RAP1GAP2: variants seen among roughly 807,000 people sequenced by gnomAD.
The protein encoded by RAP1GAP2 is RAP1 GTPase activating protein 2.
In RAP1GAP2, 27 loss-of-function variants were observed where a neutral mutation model predicts 95.0. That is an observed-to-expected ratio of 0.28 (90% CI 0.21 to 0.39). The LOEUF (loss-of-function observed/expected upper bound fraction) is 0.39. Among genes scored for constraint, RAP1GAP2 ranks in the 10% least tolerant of loss-of-function variants. The pLI is 1.00. For synonymous variants in RAP1GAP2, 373 were observed against 380.9 expected (o/e 0.98, Z 0.24); for missense variants, 771 against 970.0 (o/e 0.79, Z 2.72).
intron 2 of RAP1GAP2, among the ~76,000 whole-genome samples, chr17:2,830,596 C>T (rs1277916043): frequency 6.6e-6 from 1 of 151,082 alleles, no homozygotes; most frequent in Admixed American, 6.6e-5. Flanking sequence ...CGCCTGTAGT[C>T]CCAGCTACTC....
intron 1 of RAP1GAP2, among the ~76,000 whole-genome samples, chr17:2,779,224 T>C (rs1196608439): frequency 6.6e-6 from 1 of 152,220 alleles, no homozygotes; most frequent in Non-Finnish European, 1.5e-5. Context: ...CTTGGCCAAA[T>C]TACCTGACTT....
chr17:3,009,424 T>G (rs188895947), intron 17 of RAP1GAP2, among the ~76,000 whole-genome samples: 2 of 152,332 alleles, frequency 1.3e-5, no homozygotes, highest in Admixed American at 1.3e-4. Context: ...TTAATAATGA[T>G]AGGCATAGTA....
chr17:2,862,869 C>T (rs535852985), intron 2 of RAP1GAP2, among the ~76,000 whole-genome samples: 76 of 151,764 alleles, frequency 5.0e-4, no homozygotes, highest in African/African-American at 1.7e-3. Context: ...TGGTGGCGTG[C>T]GCCTGTAATC....
At chr17:2,820,892 G>GTTTTTTTTTTTT (rs59814346) in intron 2 of RAP1GAP2, among the ~76,000 whole-genome samples, 1 of 104,102 alleles carries the variant, frequency 9.6e-6, no homozygotes, top group Non-Finnish European at 1.9e-5. Flanking sequence ...CCGGATAATG[G>GTTTTTTTTTTTT]TTTTTTTTTT....
chr17:2,939,512 C>T (rs2043412252), intron 3 of RAP1GAP2, among the ~76,000 whole-genome samples: 1 of 152,354 alleles, frequency 6.6e-6, no homozygotes, highest in Admixed American at 6.5e-5. Flanking sequence ...ACAGAGAGGG[C>T]TTCCCAGTTC....
chr17:2,909,548 T>A (rs1033855423), intron 3 of RAP1GAP2, among the ~76,000 whole-genome samples: 2 of 152,318 alleles, frequency 1.3e-5, no homozygotes, highest in Admixed American at 1.3e-4. Flanking sequence ...TAACATATTC[T>A]TTCAAAAAAT....
intron 2 of RAP1GAP2, among the ~76,000 whole-genome samples, chr17:2,864,802 G>A (rs988161033): frequency 7.9e-5 from 12 of 152,162 alleles, no homozygotes; most frequent in Admixed American, 7.9e-4. Context: ...TTGCCTTCAA[G>A]TATTCCTCCT....
At chr17:3,007,028 C>A (rs2046364877) in intron 16 of RAP1GAP2, among the ~76,000 whole-genome samples, 1 of 152,070 alleles carries the variant, frequency 6.6e-6, no homozygotes. Context: ...ATCAGATGAA[C>A]CTTCTGCCAG....
At chr17:2,769,284 G>A (rs1165694359) in intron 1 of RAP1GAP2, among the ~76,000 whole-genome samples, 46 of 130,732 alleles carry the variant, frequency 3.5e-4, no homozygotes, top group African/African-American at 1.3e-3. Context: ...GTCTGGGTGC[G>A]GTGGCTCACG....
rs1456875595 is a variant in RAP1GAP2, at chr17:2,832,212, A to AC, written c.80+31662_80+31663insC. ...GAGTGAGACTCTGTCTCCAAAAAAA[A>AC]AAAGAAAACAAAAAAACCCAAATCA... On this transcript the variant is annotated intron_variant, in intron 2 of 24. Coordinates refer to ENST00000254695, the MANE Select transcript of RAP1GAP2 (RefSeq NM_015085.5). Among the ~76,000 whole-genome samples, 12 of 149,726 alleles carry AC rather than the reference A, an allele frequency of 8.0e-5. 3 individuals are homozygous for AC. Among genetic ancestry groups the AC allele is most frequent in the African/African-American group, 2.5e-4 (10 of 40,816 alleles).
At chr17:2,771,682 T>G (rs193251047) in intron 2 of RAP1GAP2, among the ~76,000 whole-genome samples, 148 of 151,778 alleles carry the variant, frequency 9.8e-4, no homozygotes, top group African/African-American at 3.5e-3. Flanking sequence ...TAGAGTCAGG[T>G]TTTCACCATG....
At chr17:2,892,646 G>A (rs1374961260) in intron 2 of RAP1GAP2, among the ~76,000 whole-genome samples, 1 of 152,186 alleles carries the variant, frequency 6.6e-6, no homozygotes. Context: ...CTGCAGCATT[G>A]ACAGTCTCAG....
intron 1 of RAP1GAP2, among the ~76,000 whole-genome samples, chr17:2,757,943 C>T (rs2071175774): frequency 6.6e-6 from 1 of 151,586 alleles, no homozygotes; most frequent in African/African-American, 2.4e-5. Context: ...GATCTCGGCT[C>T]ACTGCAAGCT....
chr17:3,001,968 CTTTT>C (rs71377566), intron 14 of RAP1GAP2, among the ~76,000 whole-genome samples: 1 of 138,646 alleles, frequency 7.2e-6, no homozygotes, highest in Non-Finnish European at 1.6e-5. Flanking sequence ...TCTTCTTCTC[CTTTT>C]TTTTTTTTTT....
At chr17:2,967,419 T>C (rs1203932035) in intron 8 of RAP1GAP2, among the ~76,000 whole-genome samples, 4 of 152,134 alleles carry the variant, frequency 2.6e-5, no homozygotes, top group Non-Finnish European at 4.4e-5. Flanking sequence ...CAAAAAGCAA[T>C]GTCGTATGGG....
chr17:2,771,079 C>CAA (rs2068382131), intron 2 of RAP1GAP2, among the ~76,000 whole-genome samples: 1 of 151,670 alleles, frequency 6.6e-6, no homozygotes, highest in Non-Finnish European at 1.5e-5. Flanking sequence ...CAACAAACAA[C>CAA]ATAAAACAAA....
At chr17:2,980,405 C>T (rs774090970) in intron 9 of RAP1GAP2, 40 bp downstream of exon 9, 1 of 1,597,614 alleles carries the variant, frequency 6.3e-7, no homozygotes, top group Non-Finnish European at 8.6e-7. Context: ...CTTCCTCTCT[C>T]AGCCCAGGGC....
chr17:2,789,701 G>T (rs936996237), intron 1 of RAP1GAP2, among the ~76,000 whole-genome samples: 4 of 137,224 alleles, frequency 2.9e-5, no homozygotes, highest in Non-Finnish European at 6.1e-5. Flanking sequence ...AGAATTGCTT[G>T]AACCTGGGAG....
chr17:2,970,265 C>T (rs2044800436), intron 8 of RAP1GAP2, among the ~76,000 whole-genome samples: 1 of 119,798 alleles, frequency 8.3e-6, no homozygotes. Flanking sequence ...CAGAGTGAGA[C>T]TCTGTCTCAA....
Sources: gnomAD v4.1 joint callset for allele counts (sites outside exome capture counted in the v4.1 genomes callset) on GRCh38, gnomAD v4.1.1 for gene constraint, MANE v1.5 for transcripts, NCBI Gene and HGNC (gene_info 2026-07-23, HGNC 2026-07-21) for gene names.